Variants in KLHDC4 observed in about 807,000 individuals in gnomAD.
KLHDC4 encodes the protein kelch domain-containing protein 4.
Under a neutral mutation model 62.4 loss-of-function variants are expected in KLHDC4, and 90 were observed. That is an observed-to-expected ratio of 1.44 (90% CI 1.22 to 1.72). KLHDC4 has a LOEUF of 1.72. KLHDC4 is among the 40% of genes most tolerant of loss of function. The pLI, the probability that KLHDC4 is intolerant of heterozygous loss-of-function variation, is 0.00. For synonymous variants in KLHDC4, 386 were observed against 284.4 expected (o/e 1.36, Z -3.59); for missense variants, 1,025 against 699.7 (o/e 1.47, Z -5.25).
At chr16:87,765,227 G>A in intron 1 of KLHDC4, 2 of 456,072 alleles carry the variant, frequency 4.4e-6, no homozygotes, top group Non-Finnish European at 8.8e-6. Context: ...GAGGGAAGGA[G>A]ACAACCGTGA....
Position 87,748,804 on chromosome 16 carries a change from C to G in KLHDC4, c.375G>C (p.Val125=). ...GCTGTCCGCCACCTTGAGGCACTAC[C>G]ACCGCCTGTGAAAAGAAAGGTGACA... ...PPPRRCAHQA[V]VVPQGGGQLW... Residue 125 remains valine (V), a synonymous_variant, in exon 5 of 12, where the codon GTG becomes GTC. Transcript: ENST00000270583. 1 of 1,612,446 alleles carries G rather than the reference C, an allele frequency of 6.2e-7. No homozygotes were observed. Among genetic ancestry groups the G allele is most frequent in the Non-Finnish European group, 8.5e-7 (1 of 1,179,696 alleles).
At chr16:87,727,858 G>T (rs531862330) in intron 6 of KLHDC4, among the ~76,000 whole-genome samples, 30 of 152,166 alleles carry the variant, frequency 2.0e-4, no homozygotes, top group African/African-American at 7.0e-4. Flanking sequence ...AAAGTCACAG[G>T]GCGTTTACCC....
At chr16:87,762,498 C>CGCCT (rs1202549640) in intron 1 of KLHDC4, among the ~76,000 whole-genome samples, 6 of 152,254 alleles carry the variant, frequency 3.9e-5, no homozygotes, top group Non-Finnish European at 7.3e-5. Context: ...TGGGCCGTCA[C>CGCCT]GCCTGCCTGC....
chr16:87,702,763 C>G (rs887889693), upstream of KLHDC4, among the ~76,000 whole-genome samples: 2 of 152,232 alleles, frequency 1.3e-5, no homozygotes, highest in African/African-American at 2.4e-5. Context: ...ACAGTGTTAA[C>G]CTGTGTTTCC....
chr16:87,759,076 G>A (rs1465382206), intron 2 of KLHDC4, among the ~76,000 whole-genome samples: 1 of 152,178 alleles, frequency 6.6e-6, no homozygotes, highest in African/African-American at 2.4e-5. Flanking sequence ...TTGGGAGGCT[G>A]AGGAAGAATT....
rs940082008 is a variant in KLHDC4, at chr16:87,765,412, C to A, written c.99+380G>T. The A allele has an allele frequency of 6.2e-6, 3 of 484,246 alleles. No individual in the cohort carries two copies. The Admixed American group carries it at 6.9e-5, about 11-fold the overall frequency. The allele number at this position is 484,246 out of a possible 1,614,324, so 30.0% of individuals were successfully genotyped here. On this transcript the variant is annotated intron_variant, in intron 1 of 11. Coordinates refer to ENST00000270583, the MANE Select transcript of KLHDC4 (RefSeq NM_017566.4). ...CAGACCACACATCATGCAGAGGCAG[C>A]CCCCGGCTCAACCTCAGGTCTTCCT...
At chr16:87,706,441 A>T (rs1445690227), downstream of KLHDC4, among the ~76,000 whole-genome samples, 1 of 64,608 alleles carries the variant, frequency 1.5e-5, no homozygotes, top group Non-Finnish European at 3.3e-5. Context: ...GGGTCGGCGG[A>T]GGGGGCCGGC....
At chr16:87,745,375 T>C (rs577070859) in intron 5 of KLHDC4, among the ~76,000 whole-genome samples, 1 of 152,190 alleles carries the variant, frequency 6.6e-6, no homozygotes, top group South Asian at 2.1e-4. Flanking sequence ...GGGCCCGCCC[T>C]GTGGTGCCTC....
downstream of KLHDC4, chr16:87,703,467 G>C (rs1474575977): frequency 6.6e-6 from 1 of 152,454 alleles, no homozygotes; most frequent in African/African-American, 2.4e-5. Context: ...AATAACCAGA[G>C]AGGCAGGCTC....
intron 7 of KLHDC4, 25 bp from the exon 8 acceptor site, chr16:87,714,598 G>C (rs752419452): frequency 1.9e-5 from 30 of 1,613,282 alleles, no homozygotes; most frequent in African/African-American, 8.0e-5. Flanking sequence ...AATTGTGTGA[G>C]AACCGGGGGC....
At position 87,708,057 on chromosome 16, in the gene KLHDC4, GC is replaced by G; in HGVS notation, c.*19del. 1.8e-6 allele frequency: 1 copy of G among 545,240 alleles called. No individual in the cohort carries two copies. Among genetic ancestry groups the G allele is most frequent in the Non-Finnish European group, 3.5e-6 (1 of 284,964 alleles). The allele number at this position is 545,240 out of a possible 1,614,324, so 33.8% of individuals were successfully genotyped here. On this transcript the variant is annotated 3_prime_UTR_variant, in exon 12 of 12. Coordinates refer to ENST00000270583, the MANE Select transcript of KLHDC4 (RefSeq NM_017566.4). ...GACGTGGGCACAGCACTTGCCAGGCGCCCCTGGCAGGGGCTCTTCTGATACG... is the reference window on the plus strand; with the variant it reads ...GACGTGGGCACAGCACTTGCCAGGCGCCCTGGCAGGGGCTCTTCTGATACG...
At chr16:87,743,677 T>G (rs917098679) in intron 5 of KLHDC4, among the ~76,000 whole-genome samples, 34 of 151,350 alleles carry the variant, frequency 2.2e-4, no homozygotes, top group African/African-American at 7.5e-4. Flanking sequence ...GAGGCGGAGC[T>G]TGCAGTGAGC....
At chr16:87,759,378 A>G (rs899585911) in intron 2 of KLHDC4, among the ~76,000 whole-genome samples, 3 of 151,954 alleles carry the variant, frequency 2.0e-5, no homozygotes, top group African/African-American at 7.3e-5. Context: ...AGATCGCGCC[A>G]TAGCACTCCA....
intron 5 of KLHDC4, chr16:87,730,855 A>C (rs2143003571): frequency 4.1e-6 from 2 of 483,882 alleles, no homozygotes; most frequent in East Asian, 4.0e-5. Context: ...CTCAAGAATA[A>C]AACAGGAGAA....
At chr16:87,710,951 TTC>T in intron 9 of KLHDC4, 1 of 418,896 alleles carries the variant, frequency 2.4e-6, no homozygotes, top group Non-Finnish European at 4.4e-6. Flanking sequence ...CAGCAAACCC[TTC>T]TCACACAGAG....
intron 2 of KLHDC4, among the ~76,000 whole-genome samples, chr16:87,760,490 C>A (rs1056486088): frequency 9.3e-5 from 14 of 151,048 alleles, no homozygotes; most frequent in African/African-American, 3.4e-4. Context: ...GCCTGTAGTC[C>A]CAGCTACTTG....
At chr16:87,715,325 A>G (rs190758870) in intron 7 of KLHDC4, among the ~76,000 whole-genome samples, 1 of 152,034 alleles carries the variant, frequency 6.6e-6, no homozygotes, top group African/African-American at 2.4e-5. Flanking sequence ...TAGTACCGAG[A>G]GCTCTCACAC....
chr16:87,699,138 ACCCTCTG>A (rs1221027596), exon 1 of KLHDC4: 4 of 151,972 alleles, frequency 2.6e-5, no homozygotes, highest in Non-Finnish European at 5.9e-5. Context: ...GCTGGAGAAG[ACCCTCTG>A]CCCCGGGGCC....
intron 6 of KLHDC4, among the ~76,000 whole-genome samples, chr16:87,728,377 G>T (rs1047763614): frequency 6.6e-6 from 1 of 152,138 alleles, no homozygotes; most frequent in African/African-American, 2.4e-5. Flanking sequence ...TTAGTACAAA[G>T]ATTCTACTTT....
Sources: gnomAD v4.1 joint callset for allele counts (sites outside exome capture counted in the v4.1 genomes callset) on GRCh38, gnomAD v4.1.1 for gene constraint, MANE v1.5 for transcripts, NCBI Gene and HGNC (gene_info 2026-07-23, HGNC 2026-07-21) for gene names.